ANKRD36: variants seen among roughly 807,000 people sequenced by gnomAD.
ANKRD36 encodes ankyrin repeat domain 36, also known as ankyrin repeat domain-containing protein 36A.
A neutral mutation model predicts 278.1 loss-of-function variants in ANKRD36; 179 were observed. The observed-to-expected ratio is 0.64, with a 90% CI of 0.57 to 0.73. The LOEUF (loss-of-function observed/expected upper bound fraction) is 0.73. Ranked by LOEUF, ANKRD36 falls within the 30% of genes least tolerant of loss-of-function variation. The probability of loss-of-function intolerance (pLI) is 0.00; values close to 1 mark genes in which losing one functional copy is unlikely to be tolerated. For synonymous variants in ANKRD36, 320 were observed against 641.1 expected (o/e 0.50, Z 7.57); for missense variants, 1,159 against 1,956.7 (o/e 0.59, Z 7.69).
intron 67 of ANKRD36, among the ~76,000 whole-genome samples, chr2:97,228,248 T>C (rs1418208927): frequency 6.6e-6 from 1 of 152,108 alleles, no homozygotes; most frequent in Non-Finnish European, 1.5e-5. Flanking sequence ...AGAATTCGGC[T>C]GTGAATCCAT....
intron 1 of ANKRD36, among the ~76,000 whole-genome samples, chr2:97,116,666 AT>A (rs2035464735): frequency 6.6e-6 from 1 of 152,056 alleles, no homozygotes; most frequent in Non-Finnish European, 1.5e-5. Context: ...TGATTATTTT[AT>A]TATGCATAGA....
At chr2:97,205,402 G>A (rs1393041466) in intron 50 of ANKRD36, among the ~76,000 whole-genome samples, 3 of 151,648 alleles carry the variant, frequency 2.0e-5, no homozygotes, top group African/African-American at 4.8e-5. Context: ...CAGCAAAGAG[G>A]TATCCAAGGT....
At chr2:97,242,489 A>G (rs2153690034) in intron 69 of ANKRD36, among the ~76,000 whole-genome samples, 2 of 141,690 alleles carry the variant, frequency 1.4e-5, no homozygotes, top group Non-Finnish European at 3.0e-5. Context: ...AACAGATTTT[A>G]CAATTGGTTA....
chr2:97,213,019 G>C (rs1351119034), intron 58 of ANKRD36: 6 of 432,666 alleles, frequency 1.4e-5, no homozygotes, highest in South Asian at 4.8e-5. Flanking sequence ...GTACTATAAT[G>C]GTGTAAATCC....
At chr2:97,210,547 G>A (rs2064177226) in intron 56 of ANKRD36, among the ~76,000 whole-genome samples, 1 of 151,820 alleles carries the variant, frequency 6.6e-6, no homozygotes. Flanking sequence ...GGAGGCGTCA[G>A]AGATACATGT....
Position 97,118,450 on chromosome 2 carries a change from A to G in ANKRD36, c.419A>G (p.Tyr140Cys), listed in dbSNP as rs1574496230. Residue 140 changes from tyrosine (Y) to cysteine (C), a missense_variant, in exon 3 of 76, where the codon TAT (tyrosine) becomes TGT (cysteine). Coordinates refer to ENST00000420699, the MANE Select transcript of ANKRD36 (RefSeq NM_001354587.1). ...FGRTALHYAVYNEDTSMIEKL... is the reference protein window; with the variant it reads ...FGRTALHYAVCNEDTSMIEKL... Reference sequence around the variant, plus strand: ...AGGACTGCTCTGCACTACGCTGTGTATAATGAAGATACATCCATGATAGAA... The same window carrying G: ...AGGACTGCTCTGCACTACGCTGTGTGTAATGAAGATACATCCATGATAGAA... 2.5e-6 allele frequency: 4 copies of G among 1,606,514 alleles called. No homozygotes were observed. Among genetic ancestry groups the G allele is most frequent in the East Asian group, 2.2e-5 (1 of 44,870 alleles).
At chr2:97,151,069 G>A (rs2045837086) in intron 12 of ANKRD36, among the ~76,000 whole-genome samples, 1 of 152,068 alleles carries the variant, frequency 6.6e-6, no homozygotes, top group Admixed American at 6.6e-5. Flanking sequence ...ATGAACACAA[G>A]CTTTTCTTTT....
intron 36 of ANKRD36, among the ~76,000 whole-genome samples, chr2:97,191,622 T>C (rs192644474): frequency 5.3e-4 from 81 of 151,718 alleles, no homozygotes; most frequent in African/African-American, 1.7e-3. Context: ...GTAGCAATTA[T>C]TTTCCCAAGG....
chr2:97,220,213 C>T (rs1305544502), intron 66 of ANKRD36, among the ~76,000 whole-genome samples: 1 of 149,234 alleles, frequency 6.7e-6, no homozygotes, highest in Non-Finnish European at 1.5e-5. Context: ...TTATCCATCA[C>T]CTCAAGCATT....
chr2:97,232,789 C>A (rs2072602697), intron 67 of ANKRD36, among the ~76,000 whole-genome samples: 1 of 151,036 alleles, frequency 6.6e-6, no homozygotes, highest in African/African-American at 2.4e-5. Context: ...TTAACTCAGA[C>A]AAGGAAAATT....
chr2:97,196,820 C>G (rs1206855315), intron 42 of ANKRD36, 32 bp downstream of exon 42: 6 of 1,543,782 alleles, frequency 3.9e-6, no homozygotes, highest in Non-Finnish European at 5.2e-6. Context: ...ATGTCATGTT[C>G]AGTCCAGATA....
chr2:97,202,777 G>T (rs535834086), intron 48 of ANKRD36, among the ~76,000 whole-genome samples: 14 of 151,882 alleles, frequency 9.2e-5, no homozygotes, highest in African/African-American at 3.4e-4. Flanking sequence ...AAAACTTCTT[G>T]TAATAACCCG....
intron 24 of ANKRD36, among the ~76,000 whole-genome samples, chr2:97,180,536 T>G (rs1232261993): frequency 6.6e-6 from 1 of 151,676 alleles, no homozygotes; most frequent in African/African-American, 2.4e-5. Context: ...CTCCAAGAAC[T>G]ACTGGAAGCA....
intron 32 of ANKRD36, among the ~76,000 whole-genome samples, 163 bp downstream of exon 32, chr2:97,187,564 G>A (rs1212191584): frequency 6.6e-6 from 1 of 151,760 alleles, no homozygotes; most frequent in African/African-American, 2.4e-5. Context: ...CTTGGGTGAC[G>A]CTAATGCTGC....
At chr2:97,183,319 C>A (rs2056691207) in intron 26 of ANKRD36, 140 bp from the exon 27 acceptor site, 2 of 1,159,816 alleles carry the variant, frequency 1.7e-6, no homozygotes. Flanking sequence ...TGTTCCCGTC[C>A]CAAAGACACA....
chr2:97,224,280 T>C (rs2068614459), intron 66 of ANKRD36, among the ~76,000 whole-genome samples: 1 of 151,108 alleles, frequency 6.6e-6, no homozygotes, highest in African/African-American at 2.4e-5. Context: ...TGACCACGTT[T>C]GCATGGCTTG....
intron 34 of ANKRD36, 58 bp from the exon 35 acceptor site, chr2:97,190,920 A>T (rs1474953631): frequency 1.3e-6 from 2 of 1,587,742 alleles, no homozygotes; most frequent in African/African-American, 2.7e-5. Flanking sequence ...GTGTGAATGT[A>T]TGGATAACTT....
chr2:97,244,027 C>T lies in ANKRD36; in HGVS notation c.4489C>T (p.Gln1497Ter). The T allele has an allele frequency of 6.4e-7, 1 of 1,565,292 alleles. No homozygotes were observed. The highest frequency in any genetic ancestry group is 1.2e-5 in the South Asian group (1 of 85,706). Reference protein sequence around the residue: ...ELKTGGNNSNQVSETDEKEDL... With the variant: ...ELKTGGNNSN ...GAAGACAGGAGGAAATAATTCAAAT[C>T]AGGTAAATTAATGTTTGGTAAAACT... The change falls in exon 70 of 76, where the codon CAG becomes TAG. Residue 1497 changes from glutamine to a stop codon, truncating the protein, a stop_gained and splice_region_variant. Coordinates refer to ENST00000420699, the MANE Select transcript of ANKRD36 (RefSeq NM_001354587.1). LOFTEE classifies it high-confidence loss of function.
chr2:97,201,469 T>A (rs1260810668), intron 46 of ANKRD36, among the ~76,000 whole-genome samples: 2 of 151,970 alleles, frequency 1.3e-5, no homozygotes, highest in African/African-American at 4.8e-5. Context: ...TGTGGCAGTT[T>A]TACTTTGTGG....
Sources: allele counts gnomAD v4.1 joint callset (sites outside exome capture counted in the v4.1 genomes callset), GRCh38; gene constraint gnomAD v4.1.1; transcripts MANE v1.5; gene names NCBI Gene and HGNC (gene_info 2026-07-23, HGNC 2026-07-21).